The following STARD13 variants were observed in gnomAD, a reference collection of about 807,000 sequenced individuals.
STARD13 encodes the protein stAR-related lipid transfer protein 13.
STARD13 carries 62 observed loss-of-function variants against 106.4 expected under a neutral mutation model. That is an observed-to-expected ratio of 0.58 (90% CI 0.48 to 0.72). The LOEUF is 0.72. Ranked by LOEUF, STARD13 falls within the 30% of genes least tolerant of loss-of-function variation. STARD13 has a pLI of 0.00. For synonymous variants in STARD13, 565 were observed against 553.0 expected (o/e 1.02, Z -0.31); for missense variants, 1,387 against 1,424.0 (o/e 0.97, Z 0.42).
intron 4 of STARD13, chr13:33,138,299 T>C (rs151078532): frequency 1.3e-5 from 2 of 152,176 alleles, no homozygotes; most frequent in African/African-American, 4.8e-5. Flanking sequence ...AATGTCATCA[T>C]GGAGCAAGCG....
the STARD13 span, among the ~76,000 whole-genome samples, chr13:33,490,246 A>G: frequency 1.3e-5 from 2 of 152,330 alleles, no homozygotes; most frequent in African/African-American, 4.8e-5. Flanking sequence ...GGTATGTACT[A>G]TACTGATATG....
the STARD13 span, among the ~76,000 whole-genome samples, chr13:33,653,365 A>T: frequency 6.6e-6 from 1 of 152,224 alleles, no homozygotes; most frequent in East Asian, 1.9e-4. Flanking sequence ...GAATCCAAAA[A>T]TAAACCCATA....
At chr13:33,506,454 C>T in the STARD13 span, among the ~76,000 whole-genome samples, 4 of 152,142 alleles carry the variant, frequency 2.6e-5, no homozygotes, top group Non-Finnish European at 5.9e-5. Flanking sequence ...AAATTAGAAG[C>T]TTAGAAAATT....
chr13:33,325,355 T>C (rs1328164440), intron 1 of STARD13, among the ~76,000 whole-genome samples: 4 of 152,200 alleles, frequency 2.6e-5, no homozygotes, highest in African/African-American at 9.7e-5. Context: ...CTTCCTGTTA[T>C]CAACCAACAG....
At chr13:33,144,827 G>C (rs1259663996) in intron 3 of STARD13, among the ~76,000 whole-genome samples, 1 of 152,142 alleles carries the variant, frequency 6.6e-6, no homozygotes, top group Non-Finnish European at 1.5e-5. Context: ...TAGTGAACTT[G>C]TTCTTCCATT....
In STARD13 at chr13:33,307,670, G is replaced by C. The variant is rs7998525; in HGVS notation, c.124+42620C>G. On this transcript the variant is annotated intron_variant, in intron 1 of 5. Coordinates refer to the STARD13 transcript ENST00000567873. ...GGGGCCTGTCAGGGAGTTGGGGAGA[G>C]GGAAGGGAGAACATCAGGATAAATA... Among the ~76,000 whole-genome samples, 486 of 152,258 alleles carry C rather than the reference G, an allele frequency of 3.2e-3. 3 individuals carry two copies. Among genetic ancestry groups the C allele is most frequent in the African/African-American group, 0.011 (460 of 41,536 alleles).
intron 4 of STARD13, among the ~76,000 whole-genome samples, chr13:33,131,734 T>C (rs948131555): frequency 3.9e-5 from 6 of 152,200 alleles, no homozygotes; most frequent in African/African-American, 1.4e-4. Context: ...TACCTGGGTG[T>C]TCAGTTTTAA....
chr13:33,346,612 G>GTTTA (rs930247921), downstream of STARD13, among the ~76,000 whole-genome samples: 113 of 151,986 alleles, frequency 7.4e-4, no homozygotes, highest in East Asian at 2.1e-3. Context: ...AGGTTTGTTT[G>GTTTA]TTTATTTATT....
intron 1 of STARD13, among the ~76,000 whole-genome samples, chr13:33,226,223 G>C (rs1460503617): frequency 6.6e-6 from 1 of 152,212 alleles, no homozygotes; most frequent in African/African-American, 2.4e-5. Context: ...ACGGCAGCCT[G>C]AGCAAACTAA....
chr13:33,579,862 A>C, the STARD13 span, among the ~76,000 whole-genome samples: 3 of 151,950 alleles, frequency 2.0e-5, no homozygotes, highest in Non-Finnish European at 4.4e-5. Context: ...TTAAAACAAT[A>C]ATGAAATACC....
the STARD13 span, among the ~76,000 whole-genome samples, chr13:33,522,155 T>C: frequency 6.6e-6 from 1 of 152,156 alleles, no homozygotes; most frequent in Non-Finnish European, 1.5e-5. Flanking sequence ...GTAAATATAA[T>C]TAAGATGTGC....
chr13:33,191,619 T>C (rs976661091), intron 1 of STARD13, among the ~76,000 whole-genome samples: 2 of 152,232 alleles, frequency 1.3e-5, no homozygotes, highest in African/African-American at 4.8e-5. Context: ...AAAGTTAAGA[T>C]TGCCCTTGCA....
intron 1 of STARD13, among the ~76,000 whole-genome samples, chr13:33,229,656 C>T (rs555044195): frequency 6.6e-6 from 1 of 152,294 alleles, no homozygotes; most frequent in Non-Finnish European, 1.5e-5. Flanking sequence ...ACAGAAATGG[C>T]CTGTTTTTCA....
downstream of STARD13, among the ~76,000 whole-genome samples, chr13:33,347,312 T>C (rs377580306): frequency 1.4e-4 from 21 of 152,332 alleles, no homozygotes; most frequent in African/African-American, 4.8e-4. Context: ...CTTGGCTCAC[T>C]GTAACCTCTG....
the STARD13 span, among the ~76,000 whole-genome samples, chr13:33,499,651 T>TCTTCTC: frequency 5.6e-5 from 7 of 125,604 alleles, 1 homozygote; most frequent in African/African-American, 2.1e-4. Context: ...TTCTTCTCCT[T>TCTTCTC]CTTCTTCTTC....
the STARD13 span, among the ~76,000 whole-genome samples, chr13:33,387,641 T>A: frequency 1.3e-5 from 2 of 152,160 alleles, no homozygotes; most frequent in African/African-American, 4.8e-5. Flanking sequence ...TATTGGGGAA[T>A]TTACAGACAG....
chr13:33,489,228 A>G, the STARD13 span, among the ~76,000 whole-genome samples: 1 of 152,266 alleles, frequency 6.6e-6, no homozygotes, highest in African/African-American at 2.4e-5. Flanking sequence ...TAATAAAAAA[A>G]GATCAACTCT....
chr13:33,653,372 C>T, the STARD13 span, among the ~76,000 whole-genome samples: 2 of 152,224 alleles, frequency 1.3e-5, no homozygotes, highest in Admixed American at 6.5e-5. Context: ...AAAATAAACC[C>T]ATACCTCTGT....
At chr13:33,308,520 C>CTTTTTT (rs552526416) in intron 1 of STARD13, among the ~76,000 whole-genome samples, 262 of 88,532 alleles carry the variant, frequency 3.0e-3, no homozygotes, top group Non-Finnish European at 3.8e-3. Context: ...CTTTTTCTTT[C>CTTTTTT]TTTTTTTTTT....
Sources: gnomAD v4.1 joint callset for allele counts (sites outside exome capture counted in the v4.1 genomes callset) on GRCh38, gnomAD v4.1.1 for gene constraint, MANE v1.5 for transcripts, NCBI Gene and HGNC (gene_info 2026-07-23, HGNC 2026-07-21) for gene names.